Variants in PSD3 observed in about 807,000 individuals in gnomAD.
PSD3 encodes the protein pleckstrin and Sec7 domain containing 3.
PSD3 carries 49 observed loss-of-function variants against 105.5 expected under a neutral mutation model. The observed-to-expected ratio is 0.46, with a 90% CI of 0.37 to 0.59. PSD3 has a LOEUF of 0.59. PSD3 is among the 20% of genes least tolerant of loss of function. PSD3 has a pLI of 0.00. For missense variants in PSD3, 1,561 were observed against 1,263.8 expected (o/e 1.24, Z -3.57); for synonymous variants, 557 against 457.8 (o/e 1.22, Z -2.77).
At chr8:18,771,968 A>G (rs1807581375) in intron 8 of PSD3, among the ~76,000 whole-genome samples, 1 of 152,186 alleles carries the variant, frequency 6.6e-6, no homozygotes, top group South Asian at 2.1e-4. Context: ...ACCTCAAACA[A>G]ATGGAATCAT....
intron 4 of PSD3, among the ~76,000 whole-genome samples, chr8:18,851,963 G>GA (rs1252927414): frequency 8.5e-5 from 13 of 152,150 alleles, no homozygotes; most frequent in Non-Finnish European, 1.5e-4. Context: ...GTCTACACTG[G>GA]AAAGTGGTGA....
intron 1 of PSD3, among the ~76,000 whole-genome samples, chr8:18,948,035 C>G (rs1822976545): frequency 6.6e-6 from 1 of 152,166 alleles, no homozygotes; most frequent in Non-Finnish European, 1.5e-5. Context: ...TATGAGTTCA[C>G]AGCATATCCT....
intron 1 of PSD3, among the ~76,000 whole-genome samples, chr8:19,059,314 G>A (rs1264460638): frequency 1.3e-5 from 2 of 152,208 alleles, no homozygotes; most frequent in East Asian, 3.9e-4. Context: ...CTTTACCTGC[G>A]TAGGAAGATG....
At chr8:18,788,508 G>A (rs1371699079) in intron 8 of PSD3, among the ~76,000 whole-genome samples, 1 of 152,202 alleles carries the variant, frequency 6.6e-6, no homozygotes, top group Non-Finnish European at 1.5e-5. Context: ...GGGCAGCTGT[G>A]TCAATCAGGT....
chr8:18,568,151 C>A (rs1036759505), intron 14 of PSD3, among the ~76,000 whole-genome samples: 1 of 152,072 alleles, frequency 6.6e-6, no homozygotes, highest in Non-Finnish European at 1.5e-5. Context: ...AACCGTGAGC[C>A]AAATAAACCT....
chr8:18,794,359 GAC>G, intron 8 of PSD3, among the ~76,000 whole-genome samples: 1 of 2,998 alleles, frequency 3.3e-4, no homozygotes, highest in East Asian at 1.4e-3. Context: ...CCCCCAGCCC[GAC>G]ACCCGTAAAG....
At chr8:18,828,977 TGG>T (rs1021010954) in intron 4 of PSD3, among the ~76,000 whole-genome samples, 6 of 151,924 alleles carry the variant, frequency 3.9e-5, no homozygotes, top group African/African-American at 1.5e-4. Context: ...GAGGCTGAGG[TGG>T]GCGGACGGCT....
chr8:18,607,178 C>A (rs10102689), intron 11 of PSD3, among the ~76,000 whole-genome samples: 108,017 of 151,978 alleles, frequency 0.71, 38,668 homozygotes, highest in East Asian at 0.82. Flanking sequence ...TCTCACTCAA[C>A]TATAGGACCT....
intron 4 of PSD3, among the ~76,000 whole-genome samples, chr8:18,866,804 C>T (rs780775557): frequency 6.6e-6 from 1 of 150,470 alleles, no homozygotes; most frequent in Non-Finnish European, 1.5e-5. Flanking sequence ...ACAAAAAACA[C>T]TGGTATTATT....
intron 9 of PSD3, chr8:18,763,104 T>C (rs1806677464): frequency 6.5e-6 from 3 of 459,990 alleles, no homozygotes; most frequent in African/African-American, 2.0e-5. Flanking sequence ...CAAGTACAAA[T>C]GTTACTTCTG....
At chr8:18,957,085 C>G (rs1318863134) in intron 1 of PSD3, among the ~76,000 whole-genome samples, 2 of 151,928 alleles carry the variant, frequency 1.3e-5, no homozygotes, top group African/African-American at 2.4e-5. Context: ...TAAGAGTAAA[C>G]AATCGGCTGG....
intron 4 of PSD3, among the ~76,000 whole-genome samples, chr8:18,821,130 C>A (rs966667466): frequency 6.6e-6 from 1 of 151,142 alleles, no homozygotes; most frequent in African/African-American, 2.4e-5. Flanking sequence ...ACAATGACGG[C>A]ATAAAAATTC....
chr8:18,541,167 A>C (rs1183629541), intron 15 of PSD3, among the ~76,000 whole-genome samples: 2 of 151,652 alleles, frequency 1.3e-5, no homozygotes, highest in Admixed American at 1.3e-4. Flanking sequence ...GAAAAAAAAA[A>C]AAAAACCTTT....
chr8:18,734,224 C>T (rs558307235), intron 9 of PSD3: 14 of 152,266 alleles, frequency 9.2e-5, no homozygotes, highest in Admixed American at 7.2e-4. Context: ...TGGAAAATTA[C>T]TTTTTGTTTC....
intron 1 of PSD3, among the ~76,000 whole-genome samples, chr8:18,995,818 C>A (rs960010367): frequency 6.6e-6 from 1 of 151,846 alleles, no homozygotes; most frequent in African/African-American, 2.4e-5. Flanking sequence ...TCAATAGAAA[C>A]AGCAGGGAAA....
intron 1 of PSD3, among the ~76,000 whole-genome samples, chr8:18,949,284 GTTTTC>G (rs1263166989): frequency 2.6e-5 from 2 of 76,646 alleles, no homozygotes; most frequent in African/African-American, 4.3e-5. Context: ...TATATTTATA[GTTTTC>G]TTCTCTTCCA....
At chr8:18,811,937 C>T (rs1389991976) in intron 4 of PSD3, among the ~76,000 whole-genome samples, 1 of 151,972 alleles carries the variant, frequency 6.6e-6, no homozygotes, top group Non-Finnish European at 1.5e-5. Context: ...AGTTTGGACC[C>T]AACAATTTAC....
intron 8 of PSD3, among the ~76,000 whole-genome samples, chr8:18,774,093 G>A (rs1473777651): frequency 6.6e-6 from 1 of 152,066 alleles, no homozygotes; most frequent in Non-Finnish European, 1.5e-5. Flanking sequence ...AACGTCTTTA[G>A]TCCTAATAGG....
chr8:18,724,964 A>C (rs1454170669), intron 9 of PSD3, among the ~76,000 whole-genome samples: 2 of 152,230 alleles, frequency 1.3e-5, no homozygotes, highest in African/African-American at 2.4e-5. Flanking sequence ...AAAAGAAAGA[A>C]AAAGAAAAGT....
Sources: gnomAD v4.1 joint callset for allele counts (sites outside exome capture counted in the v4.1 genomes callset) on GRCh38, gnomAD v4.1.1 for gene constraint, MANE v1.5 for transcripts, NCBI Gene and HGNC (gene_info 2026-07-23, HGNC 2026-07-21) for gene names.